The following TMEM164 variants were observed in gnomAD, a reference collection of about 807,000 sequenced individuals.
The protein encoded by TMEM164 is RP13-360B22.2.
In TMEM164, 4 loss-of-function variants were observed where a neutral mutation model predicts 18.8. That is an observed-to-expected ratio of 0.21 (90% CI 0.10 to 0.49). TMEM164 has a LOEUF of 0.49. Ranked by LOEUF, TMEM164 falls within the 20% of genes least tolerant of loss-of-function variation. The pLI, the probability that TMEM164 is intolerant of heterozygous loss-of-function variation, is 0.98. For missense variants in TMEM164, 108 were observed against 239.9 expected, an observed-to-expected ratio of 0.45 and a Z score of 3.63; for synonymous variants, 86 against 101.7, an observed-to-expected ratio of 0.85 and a Z score of 0.93.
chrX:110,157,044 T>C (rs2067026437), intron 5 of TMEM164, among the ~76,000 whole-genome samples: 1 of 111,931 alleles, frequency 8.9e-6, no homozygotes, highest in Non-Finnish European at 1.9e-5. Flanking sequence ...TTCAGGGGAA[T>C]CTGGACTAGA....
Position 110,154,408 on chromosome X carries a change from T to A in TMEM164, c.586+9532T>A, listed in dbSNP as rs750002028. Among the ~76,000 whole-genome samples the A allele has an allele frequency of 5.9e-4, 66 of 111,207 alleles. 1 individual carries two copies. The highest frequency in any genetic ancestry group is 9.3e-3 in the Middle Eastern group (2 of 216). ...GTACCACCAAGGTTAGGAGTCCCTT[T>A]ACTAGAGTTTATTTTATTTTTATTT... On this transcript the variant is annotated intron_variant, in intron 5 of 6. Coordinates refer to ENST00000372068, the MANE Select transcript of TMEM164 (RefSeq NM_032227.4).
intron 2 of TMEM164, among the ~76,000 whole-genome samples, chrX:110,015,165 T>C (rs1730990576): frequency 1.8e-5 from 2 of 111,726 alleles, no homozygotes; most frequent in Non-Finnish European, 3.8e-5. Context: ...AGAGCAGCCT[T>C]CTGGGGCCTA....
intron 2 of TMEM164, among the ~76,000 whole-genome samples, chrX:110,036,090 A>C (rs1934787504): frequency 9.0e-6 from 1 of 111,550 alleles, no homozygotes; most frequent in Non-Finnish European, 1.9e-5. Context: ...TTAATGTGTA[A>C]TTCTTTGTTA....
chrX:110,113,074 T>A (rs1332423748), intron 4 of TMEM164, among the ~76,000 whole-genome samples: 1 of 111,215 alleles, frequency 9.0e-6, no homozygotes, highest in Non-Finnish European at 1.9e-5. Context: ...TTTTCCGCCA[T>A]CTCATAGCAG....
At chrX:110,167,215 C>T (rs1015737516) in intron 5 of TMEM164, among the ~76,000 whole-genome samples, 1 of 111,786 alleles carries the variant, frequency 8.9e-6, no homozygotes, top group Non-Finnish European at 1.9e-5. Flanking sequence ...CTCTCTTTTT[C>T]CACTCACCAG....
intron 3 of TMEM164, among the ~76,000 whole-genome samples, chrX:110,072,279 C>T (rs899763028): frequency 3.6e-5 from 3 of 82,807 alleles, no homozygotes; most frequent in East Asian, 3.5e-4. Context: ...CCAGCCTGGG[C>T]GACAGAGACT....
chrX:110,113,444 CTCTT>C (rs1054193771), intron 4 of TMEM164, among the ~76,000 whole-genome samples: 18 of 112,359 alleles, frequency 1.6e-4, no homozygotes, highest in African/African-American at 5.8e-4. Flanking sequence ...GGATTGGCAA[CTCTT>C]TCTTAAACCT....
Position 110,175,527 on chromosome X carries a change from T to G in TMEM164, c.*2076T>G, listed in dbSNP as rs1265538967. On this transcript the variant is annotated 3_prime_UTR_variant, in exon 7 of 7. Coordinates refer to ENST00000372068, the MANE Select transcript of TMEM164 (RefSeq NM_032227.4). ...TCGAGCCTTCCCCATGTTGACATCC[T>G]CCACAAGCTTGCCTTTGCTCTGTCT... 1 of 127,568 alleles carries G rather than the reference T, an allele frequency of 7.8e-6. No homozygotes were observed. Among genetic ancestry groups the G allele is most frequent in the African/African-American group, 3.2e-5 (1 of 31,365 alleles). 10.5% of individuals were successfully genotyped at this position (127,568 alleles called of 1,213,427 possible). A position where few individuals can be genotyped will look rare whatever the true frequency, so the allele number is the denominator to read the frequency against.
At chrX:110,066,569 G>A (rs1014610735) in intron 2 of TMEM164, among the ~76,000 whole-genome samples, 13 of 112,245 alleles carry the variant, frequency 1.2e-4, no homozygotes, top group African/African-American at 3.6e-4. Flanking sequence ...CCAGGAATTT[G>A]TATGTTTTAC....
chrX:110,026,566 G>A (rs1934202148), intron 2 of TMEM164, among the ~76,000 whole-genome samples: 1 of 111,648 alleles, frequency 9.0e-6, no homozygotes, highest in South Asian at 3.7e-4. Flanking sequence ...CTTCTTCACA[G>A]TAATGATAAC....
intron 3 of TMEM164, among the ~76,000 whole-genome samples, chrX:110,070,230 C>A (rs2065566877): frequency 9.0e-6 from 1 of 111,389 alleles, no homozygotes; most frequent in South Asian, 3.8e-4. Flanking sequence ...GCAGGAGAAT[C>A]ACTTGAACCC....
intron 4 of TMEM164, among the ~76,000 whole-genome samples, chrX:110,123,391 A>G (rs2066479091): frequency 9.0e-6 from 1 of 111,642 alleles, no homozygotes; most frequent in African/African-American, 3.3e-5. Context: ...GTGTGTGTGA[A>G]TGTTGAAAAG....
At chrX:110,017,490 C>CTTTCTTT (rs1186210362) in intron 2 of TMEM164, among the ~76,000 whole-genome samples, 3 of 3,979 alleles carry the variant, frequency 7.5e-4, no homozygotes, top group African/African-American at 1.6e-3. Flanking sequence ...CTCCCTCCCT[C>CTTTCTTT]CCTCCCTCCC....
chrX:110,054,869 G>A (rs188215931), intron 2 of TMEM164, among the ~76,000 whole-genome samples: 1 of 112,144 alleles, frequency 8.9e-6, no homozygotes, highest in African/African-American at 3.2e-5. Flanking sequence ...GATGATGAGA[G>A]AGAGACCTTT....
intron 2 of TMEM164, among the ~76,000 whole-genome samples, chrX:110,052,557 T>C (rs752836691): frequency 3.6e-4 from 40 of 111,649 alleles, no homozygotes; most frequent in Non-Finnish European, 7.3e-4. Flanking sequence ...AAGTACCTGA[T>C]GAGCATCTCA....
intron 5 of TMEM164, 128 bp downstream of exon 5, chrX:110,145,004 T>C: frequency 1.2e-5 from 6 of 486,703 alleles, no homozygotes; most frequent in Non-Finnish European, 1.7e-5. Context: ...TTCTTCAACA[T>C]AATTTATGCC....
At position 110,043,015 on chromosome X, in the gene TMEM164, G is replaced by T. The variant is rs368430579; in HGVS notation, c.391-24332G>T. ...CAATGGTGTGTGGTAAATGTTTAAA[G>T]CTCTGATTTATGGCATTTGCCAATT... On this transcript the variant is annotated intron_variant, in intron 2 of 6. Coordinates refer to ENST00000372068, the MANE Select transcript of TMEM164 (RefSeq NM_032227.4). Among the ~76,000 whole-genome samples the T allele has an allele frequency of 1.2e-4, 13 of 112,516 alleles. No homozygotes were observed. In the East Asian group the frequency reaches 3.3e-3, roughly 29 times the overall value.
At chrX:110,110,557 A>G (rs1377983070) in intron 4 of TMEM164, among the ~76,000 whole-genome samples, 1 of 112,403 alleles carries the variant, frequency 8.9e-6, no homozygotes. Context: ...AGGTGATTCT[A>G]GCATGGAGTG....
rs764391172 is a variant in TMEM164, at chrX:110,153,431, T to G, written c.586+8555T>G. On this transcript the variant is annotated intron_variant, in intron 5 of 6. Coordinates refer to ENST00000372068, the MANE Select transcript of TMEM164 (RefSeq NM_032227.4). The stretch of plus-strand genomic sequence containing the variant: ...ACTGGGTTTGTTACATGTGTGATCT[T>G]GATCTCATTTAATTCCCACAGTGTC... 1.1e-4 allele frequency among the ~76,000 whole-genome samples: 12 copies of G among 112,408 alleles called. No homozygotes were observed. The South Asian group carries it at 4.5e-3, about 42-fold the overall frequency.
Sources: gnomAD v4.1 joint callset for allele counts (sites outside exome capture counted in the v4.1 genomes callset) on GRCh38, gnomAD v4.1.1 for gene constraint, MANE v1.5 for transcripts, NCBI Gene and HGNC (gene_info 2026-07-23, HGNC 2026-07-21) for gene names.